The following LDLRAD3 variants were observed in gnomAD, a reference collection of about 807,000 sequenced individuals.
The protein encoded by LDLRAD3 is low-density lipoprotein receptor class A domain-containing protein 3.
Under a neutral mutation model 29.4 loss-of-function variants are expected in LDLRAD3, and 20 were observed. That is an observed-to-expected ratio of 0.68 (90% CI 0.48 to 0.99). The LOEUF is 0.99. LDLRAD3 is among the 50% of genes least tolerant of loss of function. LDLRAD3 has a pLI of 0.00. For synonymous variants in LDLRAD3, 157 were observed against 192.7 expected (o/e 0.81, Z 1.53); for missense variants, 420 against 454.3 (o/e 0.92, Z 0.69).
chr11:36,072,591 T>C (rs1168551570), intron 2 of LDLRAD3, among the ~76,000 whole-genome samples: 2 of 152,160 alleles, frequency 1.3e-5, no homozygotes, highest in African/African-American at 4.8e-5. Flanking sequence ...GGCTCTAGGG[T>C]ACCCTGCCTA....
At chr11:35,976,498 G>T (rs765993094) in intron 1 of LDLRAD3, among the ~76,000 whole-genome samples, 1 of 152,144 alleles carries the variant, frequency 6.6e-6, no homozygotes, top group Admixed American at 6.6e-5. Context: ...AGGCCCAGGG[G>T]CAATGGATGA....
Position 36,017,735 on chromosome 11 carries a change from G to A in LDLRAD3, c.47-18368G>A, listed in dbSNP as rs559543081. 2.0e-5 allele frequency among the ~76,000 whole-genome samples: 3 copies of A among 152,164 alleles called. No homozygotes were observed. The South Asian group carries it at 6.2e-4, about 32-fold the overall frequency. On this transcript the variant is annotated intron_variant, in intron 1 of 5. Coordinates refer to ENST00000315571, the MANE Select transcript of LDLRAD3 (RefSeq NM_174902.4). The stretch of plus-strand genomic sequence containing the variant: ...AGACGGGGTTTCACCATGTTGGCCA[G>A]GCTGGTCTCCAACTCCCGACCTCAA...
intron 4 of LDLRAD3, among the ~76,000 whole-genome samples, chr11:36,118,647 T>C (rs1853709170): frequency 6.6e-6 from 1 of 152,140 alleles, no homozygotes; most frequent in Non-Finnish European, 1.5e-5. Context: ...TCAATAAGTA[T>C]ATTATTTTGT....
chr11:35,988,458 TG>T (rs1851642009), intron 1 of LDLRAD3, among the ~76,000 whole-genome samples: 1 of 152,258 alleles, frequency 6.6e-6, no homozygotes, highest in Non-Finnish European at 1.5e-5. Context: ...TTATGGATTC[TG>T]GATATTAGAC....
intron 4 of LDLRAD3, among the ~76,000 whole-genome samples, chr11:36,135,512 C>G (rs965101856): frequency 3.9e-5 from 6 of 152,180 alleles, no homozygotes; most frequent in African/African-American, 1.4e-4. Flanking sequence ...ATCACCTACC[C>G]ATCTCCCAAA....
At chr11:36,189,002 A>G (rs1042775077) in intron 4 of LDLRAD3, among the ~76,000 whole-genome samples, 1 of 152,048 alleles carries the variant, frequency 6.6e-6, no homozygotes, top group Non-Finnish European at 1.5e-5. Context: ...TTAAAATAAA[A>G]GCTTTATTAA....
At chr11:35,956,522 T>C (rs1851202728) in intron 1 of LDLRAD3, among the ~76,000 whole-genome samples, 1 of 152,162 alleles carries the variant, frequency 6.6e-6, no homozygotes, top group Non-Finnish European at 1.5e-5. Flanking sequence ...ATATTAAAGT[T>C]TGAGAGGCAT....
intron 4 of LDLRAD3, among the ~76,000 whole-genome samples, chr11:36,127,289 A>G (rs1468679195): frequency 6.6e-6 from 1 of 152,220 alleles, no homozygotes; most frequent in African/African-American, 2.4e-5. Context: ...AGAGGTTTGA[A>G]GGATTATCAA....
chr11:36,168,559 T>C (rs1345385865), intron 4 of LDLRAD3, among the ~76,000 whole-genome samples: 3 of 146,326 alleles, frequency 2.1e-5, no homozygotes, highest in Non-Finnish European at 4.5e-5. Flanking sequence ...CAGAAGGAGA[T>C]AGAATCAGGA....
intron 4 of LDLRAD3, chr11:36,196,533 C>G (rs557966329): frequency 6.6e-6 from 1 of 152,334 alleles, no homozygotes; most frequent in Non-Finnish European, 1.5e-5. Context: ...GCCTCGCTTT[C>G]TGGGTTTGAA....
chr11:36,131,984 C>T (rs971966588), intron 4 of LDLRAD3, among the ~76,000 whole-genome samples: 5 of 151,806 alleles, frequency 3.3e-5, no homozygotes, highest in Admixed American at 6.6e-5. Context: ...CTGCTTGGGG[C>T]GATGGCTCTG....
chr11:36,226,595 GA>G (rs1334347462), intron 4 of LDLRAD3, among the ~76,000 whole-genome samples: 1 of 152,198 alleles, frequency 6.6e-6, no homozygotes, highest in African/African-American at 2.4e-5. Context: ...TTGCGGGGGG[GA>G]AATTTACCAA....
intron 1 of LDLRAD3, among the ~76,000 whole-genome samples, chr11:35,999,093 C>G (rs1047185277): frequency 1.3e-5 from 2 of 152,178 alleles, no homozygotes; most frequent in African/African-American, 2.4e-5. Context: ...TATTCAGTCA[C>G]GAAACATCGA....
chr11:35,966,282 A>G (rs576048588), intron 1 of LDLRAD3, among the ~76,000 whole-genome samples: 1 of 152,238 alleles, frequency 6.6e-6, no homozygotes, highest in African/African-American at 2.4e-5. Context: ...AAAGTTAGCC[A>G]GACGTGGTGG....
chr11:36,170,011 C>T (rs1183627961), intron 4 of LDLRAD3, among the ~76,000 whole-genome samples: 2 of 152,086 alleles, frequency 1.3e-5, no homozygotes, highest in Non-Finnish European at 2.9e-5. Context: ...TTTTATCCCT[C>T]ACCCTCCTCC....
chr11:35,993,789 A>C (rs1216434127), intron 1 of LDLRAD3, among the ~76,000 whole-genome samples: 1 of 152,152 alleles, frequency 6.6e-6, no homozygotes, highest in Non-Finnish European at 1.5e-5. Flanking sequence ...GAGCTGATTC[A>C]GACGTGTGGC....
intron 2 of LDLRAD3, among the ~76,000 whole-genome samples, chr11:36,063,605 T>A (rs1222639604): frequency 1.3e-5 from 2 of 152,260 alleles, no homozygotes; most frequent in African/African-American, 4.8e-5. Context: ...TTATATGGAA[T>A]ATAGGAGTCC....
At chr11:36,138,832 CTCTGAT>C (rs1449182615) in intron 4 of LDLRAD3, among the ~76,000 whole-genome samples, 1 of 152,176 alleles carries the variant, frequency 6.6e-6, no homozygotes, top group African/African-American at 2.4e-5. Context: ...AGTTAACCTT[CTCTGAT>C]TCTGTGAGTC....
intron 1 of LDLRAD3, among the ~76,000 whole-genome samples, chr11:36,011,045 T>A (rs902745715): frequency 6.6e-5 from 10 of 152,254 alleles, no homozygotes; most frequent in Non-Finnish European, 1.5e-4. Flanking sequence ...CCTCAGGTGA[T>A]CTGCCTGCCT....
Sources: allele counts gnomAD v4.1 joint callset (sites outside exome capture counted in the v4.1 genomes callset), GRCh38; gene constraint gnomAD v4.1.1; transcripts MANE v1.5; gene names NCBI Gene and HGNC (gene_info 2026-07-23, HGNC 2026-07-21).